Variants in ALK observed in about 807,000 individuals in gnomAD.
The protein encoded by ALK is ALK receptor tyrosine kinase, also known as ALK tyrosine kinase receptor.
A neutral mutation model predicts 163.1 loss-of-function variants in ALK; 74 were observed. That is an observed-to-expected ratio of 0.45 (90% CI 0.38 to 0.55). ALK has a LOEUF of 0.55. Among genes scored for constraint, ALK ranks in the 20% least tolerant of loss-of-function variants. The pLI, the probability that ALK is intolerant of heterozygous loss-of-function variation, is 0.00. For synonymous variants in ALK, 960 were observed against 843.2 expected (o/e 1.14, Z -2.40); for missense variants, 2,063 against 2,105.3 (o/e 0.98, Z 0.39).
intron 5 of ALK, among the ~76,000 whole-genome samples, chr2:29,375,244 C>T (rs1668727442): frequency 6.6e-6 from 1 of 152,238 alleles, no homozygotes; most frequent in African/African-American, 2.4e-5. Flanking sequence ...GCCACCTTCT[C>T]ACTGACCCTC....
intron 3 of ALK, among the ~76,000 whole-genome samples, chr2:29,672,641 G>A (rs985939508): frequency 6.6e-6 from 1 of 151,918 alleles, no homozygotes; most frequent in Non-Finnish European, 1.5e-5. Context: ...AAACATACGT[G>A]TGCATGTGTC....
chr2:29,550,822 G>C (rs1394439941), intron 3 of ALK, among the ~76,000 whole-genome samples: 1 of 151,980 alleles, frequency 6.6e-6, no homozygotes, highest in Non-Finnish European at 1.5e-5. Flanking sequence ...TTCCATTTTG[G>C]TTTTTTATTT....
chr2:29,473,553 A>G (rs1408272956), intron 4 of ALK, among the ~76,000 whole-genome samples: 2 of 152,172 alleles, frequency 1.3e-5, no homozygotes, highest in African/African-American at 4.8e-5. Flanking sequence ...AAAAATACAA[A>G]CAATACAACA....
At chr2:29,288,692 T>G (rs555560408) in intron 9 of ALK, among the ~76,000 whole-genome samples, 1 of 152,116 alleles carries the variant, frequency 6.6e-6, no homozygotes, top group Non-Finnish European at 1.5e-5. Flanking sequence ...GGCTCATGCC[T>G]GTAATCCCAG....
intron 11 of ALK, among the ~76,000 whole-genome samples, chr2:29,261,597 T>C (rs1665090944): frequency 6.6e-6 from 1 of 152,214 alleles, no homozygotes; most frequent in African/African-American, 2.4e-5. Context: ...CCAATGACCA[T>C]GGTCTAGAAC....
chr2:29,451,157 T>C (rs1349124044), intron 4 of ALK, among the ~76,000 whole-genome samples: 1 of 152,192 alleles, frequency 6.6e-6, no homozygotes, highest in Non-Finnish European at 1.5e-5. Context: ...GCCTGTCTTC[T>C]TGTGCTTGAG....
At chr2:29,251,369 C>T (rs1664812604) in intron 11 of ALK, 102 bp from the exon 12 acceptor site, 11 of 1,236,260 alleles carry the variant, frequency 8.9e-6, no homozygotes, top group East Asian at 2.5e-5. Flanking sequence ...TGGCCCCAAA[C>T]CCTCCATCCA....
intron 1 of ALK, among the ~76,000 whole-genome samples, chr2:29,758,904 G>C (rs1680617422): frequency 6.6e-6 from 1 of 152,020 alleles, no homozygotes; most frequent in Non-Finnish European, 1.5e-5. Context: ...ACCTCTCACT[G>C]CCTCTTTATA....
intron 4 of ALK, among the ~76,000 whole-genome samples, chr2:29,481,184 G>A (rs1239884342): frequency 2.0e-5 from 3 of 152,168 alleles, no homozygotes; most frequent in Non-Finnish European, 4.4e-5. Flanking sequence ...TGGCAGATCT[G>A]GACTAGCACT....
At chr2:29,344,411 A>G (rs559980616) in intron 5 of ALK, among the ~76,000 whole-genome samples, 4 of 152,324 alleles carry the variant, frequency 2.6e-5, no homozygotes, top group Middle Eastern at 6.8e-3. Flanking sequence ...CTCCTTGGTC[A>G]TGGATACATC....
At chr2:29,745,236 T>A (rs1265540758) in intron 1 of ALK, among the ~76,000 whole-genome samples, 2 of 152,290 alleles carry the variant, frequency 1.3e-5, no homozygotes, top group Middle Eastern at 3.4e-3. Flanking sequence ...TCAGAGATCA[T>A]CTAATTTGCC....
intron 3 of ALK, among the ~76,000 whole-genome samples, chr2:29,649,734 G>A (rs1420179770): frequency 6.6e-6 from 1 of 152,066 alleles, no homozygotes; most frequent in Non-Finnish European, 1.5e-5. Context: ...GTGCACCCAT[G>A]CTCTCACCTC....
chr2:29,809,242 C>G (rs925478676), intron 1 of ALK, among the ~76,000 whole-genome samples: 1 of 152,204 alleles, frequency 6.6e-6, no homozygotes, highest in African/African-American at 2.4e-5. Context: ...TGTTGGGCAC[C>G]TACTATGTGC....
intron 3 of ALK, among the ~76,000 whole-genome samples, chr2:29,546,235 A>T (rs1418675037): frequency 2.6e-5 from 4 of 152,162 alleles, no homozygotes; most frequent in Non-Finnish European, 5.9e-5. Flanking sequence ...CTTTTACATC[A>T]ATGGATTTCA....
At chr2:29,861,801 T>A (rs942286783) in intron 1 of ALK, among the ~76,000 whole-genome samples, 1 of 152,190 alleles carries the variant, frequency 6.6e-6, no homozygotes, top group African/African-American at 2.4e-5. Flanking sequence ...ATTACCCTGA[T>A]ACTGAAGCCA....
chr2:29,569,504 T>G (rs754391665), intron 3 of ALK, among the ~76,000 whole-genome samples: 10 of 152,158 alleles, frequency 6.6e-5, no homozygotes, highest in South Asian at 2.1e-4. Context: ...GGAAAGTACC[T>G]AACACAGAAT....
chr2:29,652,437 T>C (rs981384895), intron 3 of ALK, among the ~76,000 whole-genome samples: 3 of 152,210 alleles, frequency 2.0e-5, no homozygotes, highest in Non-Finnish European at 1.5e-5. Flanking sequence ...TTTCTTGGTG[T>C]GATATTGTGA....
chr2:29,901,792 G>A (rs1288800232), intron 1 of ALK, among the ~76,000 whole-genome samples: 1 of 152,250 alleles, frequency 6.6e-6, no homozygotes, highest in South Asian at 2.1e-4. Context: ...GTATCTTCTG[G>A]TGAACATTCT....
chr2:29,846,716 C>G (rs1404220416), intron 1 of ALK, among the ~76,000 whole-genome samples: 2 of 152,214 alleles, frequency 1.3e-5, no homozygotes, highest in African/African-American at 2.4e-5. Flanking sequence ...AACTTCCTTA[C>G]TGGATAACTG....
Sources: gnomAD v4.1 joint callset for allele counts (sites outside exome capture counted in the v4.1 genomes callset) on GRCh38, gnomAD v4.1.1 for gene constraint, MANE v1.5 for transcripts, NCBI Gene and HGNC (gene_info 2026-07-23, HGNC 2026-07-21) for gene names.